The following ITFG1 variants were observed in gnomAD, a reference collection of about 807,000 sequenced individuals.
ITFG1 encodes the protein integrin alpha FG-GAP repeat containing 1, also known as T-cell immunomodulatory protein.
A neutral mutation model predicts 81.8 loss-of-function variants in ITFG1; 34 were observed. That is an observed-to-expected ratio of 0.42 (90% CI 0.32 to 0.55). The LOEUF (loss-of-function observed/expected upper bound fraction) is 0.55, where lower values mean the gene tolerates loss of function less well. Among genes scored for constraint, ITFG1 ranks in the 20% least tolerant of loss-of-function variants. The pLI is 0.17. For missense variants in ITFG1, 672 were observed against 755.4 expected (o/e 0.89, Z 1.29); for synonymous variants, 285 against 270.6 (o/e 1.05, Z -0.52).
chr16:47,230,909 C>T (rs1032113228), intron 13 of ITFG1, among the ~76,000 whole-genome samples: 4 of 152,138 alleles, frequency 2.6e-5, no homozygotes, highest in South Asian at 2.1e-4. Context: ...ACACCATGTC[C>T]GGCTAATTTT....
At chr16:47,393,559 C>T (rs770291141) in intron 6 of ITFG1, among the ~76,000 whole-genome samples, 6 of 151,894 alleles carry the variant, frequency 4.0e-5, no homozygotes, top group Admixed American at 1.3e-4. Context: ...GGCAAAACAT[C>T]GTCTCTACTA....
chr16:47,219,343 T>C (rs767013583), intron 13 of ITFG1, among the ~76,000 whole-genome samples: 1 of 152,092 alleles, frequency 6.6e-6, no homozygotes, highest in Non-Finnish European at 1.5e-5. Flanking sequence ...CCACAATAAT[T>C]ACGATAGAAT....
At chr16:47,176,795 C>G (rs774177108) in intron 14 of ITFG1, among the ~76,000 whole-genome samples, 12 of 152,064 alleles carry the variant, frequency 7.9e-5, no homozygotes, top group Non-Finnish European at 1.6e-4. Flanking sequence ...TTTCTCATCC[C>G]AAAATTATCA....
rs1378976978 is a variant in ITFG1 at position 47,460,788 on chromosome 16, G to T, written c.208+50C>A. 3 of 1,590,480 alleles carry T rather than the reference G, an allele frequency of 1.9e-6. No homozygotes were observed. The African/African-American group carries it at 4.0e-5, about 21-fold the overall frequency. ...TTGGGCAATGGGTTTGGGGAACACCGGGAGAGGCACACGGACAGCGAACAG... is the reference window on the plus strand; with the variant it reads ...TTGGGCAATGGGTTTGGGGAACACCTGGAGAGGCACACGGACAGCGAACAG... On this transcript the variant is annotated intron_variant, in intron 1 of 17. Coordinates refer to ENST00000320640, the MANE Select transcript of ITFG1 (RefSeq NM_030790.5).
At chr16:47,251,115 T>C (rs1966068985) in intron 12 of ITFG1, among the ~76,000 whole-genome samples, 1 of 152,134 alleles carries the variant, frequency 6.6e-6, no homozygotes, top group African/African-American at 2.4e-5. Flanking sequence ...AAGCAGTGAG[T>C]TCCTCCCTGT....
chr16:47,386,638 G>A (rs866698504), intron 6 of ITFG1, among the ~76,000 whole-genome samples: 31 of 152,286 alleles, frequency 2.0e-4, no homozygotes, highest in African/African-American at 7.0e-4. Context: ...GTTCAATGCC[G>A]GAAAGGGAAG....
intron 6 of ITFG1, among the ~76,000 whole-genome samples, chr16:47,425,233 G>A (rs1190366880): frequency 1.3e-5 from 2 of 152,214 alleles, no homozygotes; most frequent in African/African-American, 4.8e-5. Flanking sequence ...CACTCCGTGG[G>A]TGTGGGACCC....
intron 14 of ITFG1, among the ~76,000 whole-genome samples, chr16:47,192,843 G>A (rs1305282916): frequency 6.6e-6 from 1 of 152,184 alleles, no homozygotes; most frequent in Non-Finnish European, 1.5e-5. Flanking sequence ...TTTTGACCCT[G>A]AGAACTTGAT....
chr16:47,163,095 C>T (rs183782121), intron 14 of ITFG1, among the ~76,000 whole-genome samples: 20 of 152,306 alleles, frequency 1.3e-4, no homozygotes, highest in Middle Eastern at 3.4e-3. Context: ...ACCCACCGTG[C>T]TCAGCCAATG....
At chr16:47,204,667 G>C (rs865775745) in intron 14 of ITFG1, among the ~76,000 whole-genome samples, 1 of 152,346 alleles carries the variant, frequency 6.6e-6, no homozygotes, top group South Asian at 2.1e-4. Flanking sequence ...AGGCAGAGCA[G>C]TAGCTGAATG....
rs1486243237 is a variant in ITFG1 at position 47,326,880 on chromosome 16, G to A, written c.803-13057C>T. 5.3e-5 allele frequency among the ~76,000 whole-genome samples: 8 copies of A among 152,228 alleles called. No individual in the cohort carries two copies. In the South Asian group the frequency reaches 6.2e-4, roughly 12 times the overall value. On this transcript the variant is annotated intron_variant, in intron 8 of 17. Transcript: ENST00000320640. ...CTCATGGGTAGGAAGAATCAATATC[G>A]TGAAAATGGCCATAGTGCCCAAGGT...
At chr16:47,203,811 C>G (rs920454958) in intron 14 of ITFG1, among the ~76,000 whole-genome samples, 5 of 152,116 alleles carry the variant, frequency 3.3e-5, no homozygotes, top group African/African-American at 1.2e-4. Flanking sequence ...ATGGGCACCC[C>G]TGACCTAGAG....
At chr16:47,352,022 CTG>C (rs1453897664) in intron 8 of ITFG1, among the ~76,000 whole-genome samples, 1 of 152,180 alleles carries the variant, frequency 6.6e-6, no homozygotes, top group Non-Finnish European at 1.5e-5. Context: ...AAAGCTGAAA[CTG>C]GATCCCTTCC....
intron 8 of ITFG1, among the ~76,000 whole-genome samples, chr16:47,353,105 T>C (rs907891937): frequency 6.6e-6 from 1 of 151,976 alleles, no homozygotes; most frequent in African/African-American, 2.4e-5. Flanking sequence ...ATATACCTAA[T>C]GCTAAATGAT....
At chr16:47,386,816 A>G (rs902198043) in intron 6 of ITFG1, among the ~76,000 whole-genome samples, 5 of 152,214 alleles carry the variant, frequency 3.3e-5, no homozygotes, top group African/African-American at 1.2e-4. Flanking sequence ...GCTGTCCCCT[A>G]ATATTTAAAA....
At chr16:47,311,701 A>AT (rs1240726818) in intron 9 of ITFG1, among the ~76,000 whole-genome samples, 1 of 152,200 alleles carries the variant, frequency 6.6e-6, no homozygotes, top group Non-Finnish European at 1.5e-5. Flanking sequence ...TTGAACTGAT[A>AT]TTAATACACA....
At chr16:47,380,497 G>C (rs1485917702) in intron 6 of ITFG1, among the ~76,000 whole-genome samples, 2 of 152,174 alleles carry the variant, frequency 1.3e-5, no homozygotes, top group African/African-American at 2.4e-5. Context: ...GTAGGAGAAA[G>C]GGACTGCACT....
chr16:47,345,340 G>A lies in ITFG1; in HGVS notation c.802+20448C>T, dbSNP rs142075898. Among the ~76,000 whole-genome samples, 1,402 of 149,938 alleles carry A rather than the reference G, an allele frequency of 9.4e-3. 7 individuals carry two copies. The highest frequency in any genetic ancestry group is 0.016 in the Non-Finnish European group (1,056 of 67,650). On this transcript the variant is annotated intron_variant, in intron 8 of 17. Transcript: ENST00000320640. ...TTTTTAGACAGAGTCTCACTCTGTC[G>A]CCCAGGCTGGAGTGCAGTGGCACTA...
intron 10 of ITFG1, among the ~76,000 whole-genome samples, chr16:47,291,360 T>C (rs892727862): frequency 1.3e-5 from 2 of 152,156 alleles, no homozygotes; most frequent in African/African-American, 2.4e-5. Flanking sequence ...TCTCTTGCTG[T>C]TTTTAAATTT....
Sources: gnomAD v4.1 joint callset for allele counts (sites outside exome capture counted in the v4.1 genomes callset) on GRCh38, gnomAD v4.1.1 for gene constraint, MANE v1.5 for transcripts, NCBI Gene and HGNC (gene_info 2026-07-23, HGNC 2026-07-21) for gene names.